Variants in PLEKHD1 observed in about 807,000 individuals in gnomAD.
PLEKHD1 encodes the protein pleckstrin homology and coiled-coil domain containing D1.
A neutral mutation model predicts 69.2 loss-of-function variants in PLEKHD1; 51 were observed. The ratio of observed to expected loss-of-function variants is 0.74; its 90% CI spans 0.59 to 0.93. The LOEUF (loss-of-function observed/expected upper bound fraction) is 0.93, where lower values mean the gene tolerates loss of function less well. Among genes scored for constraint, PLEKHD1 ranks in the 40% least tolerant of loss-of-function variants. The pLI, the probability that PLEKHD1 is intolerant of heterozygous loss-of-function variation, is 0.00. For missense variants in PLEKHD1, 584 were observed against 641.0 expected (o/e 0.91, Z 0.96); for synonymous variants, 236 against 244.7 (o/e 0.96, Z 0.33).
chr14:69,512,047 A>G (rs959407710), intron 6 of PLEKHD1, among the ~76,000 whole-genome samples: 1 of 152,208 alleles, frequency 6.6e-6, no homozygotes, highest in African/African-American at 2.4e-5. Context: ...TTGGAAGGGC[A>G]TTAATTATTG....
At chr14:69,518,843 G>A (rs1883444807) in intron 6 of PLEKHD1, among the ~76,000 whole-genome samples, 1 of 152,200 alleles carries the variant, frequency 6.6e-6, no homozygotes, top group Non-Finnish European at 1.5e-5. Context: ...TGGTGGAAAT[G>A]GGGTGCCTCC....
intron 6 of PLEKHD1, among the ~76,000 whole-genome samples, chr14:69,517,452 G>T (rs1431354686): frequency 2.0e-5 from 3 of 151,726 alleles, no homozygotes; most frequent in Non-Finnish European, 2.9e-5. Flanking sequence ...CACATAAATG[G>T]CAAATGAAGC....
chr14:69,471,176 T>C, the PLEKHD1 span, among the ~76,000 whole-genome samples: 1 of 137,518 alleles, frequency 7.3e-6, no homozygotes, highest in Admixed American at 8.0e-5. Flanking sequence ...GGTACGATCA[T>C]GGCTCACTGC....
intron 1 of PLEKHD1, among the ~76,000 whole-genome samples, chr14:69,497,014 G>C (rs543727468): frequency 3.9e-4 from 60 of 152,218 alleles, no homozygotes; most frequent in Admixed American, 1.3e-3. Context: ...TGAGTCCATA[G>C]TAGCATTTCC....
Position 69,530,643 on chromosome 14 carries a change from G to A in PLEKHD1, c.*2224G>A, listed in dbSNP as rs1041749845. 6.6e-6 allele frequency: 1 copy of A among 152,116 alleles called. No homozygotes were observed. The highest frequency in any genetic ancestry group is 2.4e-5 in the African/African-American group (1 of 41,400). The allele number at this position is 152,116 out of a possible 1,614,324, so 9.4% of individuals were successfully genotyped here. ...TGCTGTAACAGAATACCTGAGACTG[G>A]GTAATTTATAAGGAACAGAAATGTA... On this transcript the variant is annotated 3_prime_UTR_variant, in exon 13 of 13. Coordinates refer to ENST00000322564, the MANE Select transcript of PLEKHD1 (RefSeq NM_001161498.2).
chr14:69,488,557 C>T (rs1361675404), intron 1 of PLEKHD1, among the ~76,000 whole-genome samples: 1 of 152,074 alleles, frequency 6.6e-6, no homozygotes, highest in Non-Finnish European at 1.5e-5. Flanking sequence ...AAAAAATAAA[C>T]TTCTATTCTT....
At chr14:69,489,930 G>C (rs1178667910) in intron 1 of PLEKHD1, among the ~76,000 whole-genome samples, 1 of 152,184 alleles carries the variant, frequency 6.6e-6, no homozygotes, top group East Asian at 1.9e-4. Context: ...ACAGTGTCGT[G>C]ATCTTGGCTC....
intron 9 of PLEKHD1, 28 bp from the exon 10 acceptor site, chr14:69,526,669 T>A: frequency 6.8e-7 from 1 of 1,462,446 alleles, no homozygotes; most frequent in Non-Finnish European, 9.1e-7. Flanking sequence ...GAGTGAGCAT[T>A]GAGAAAGTGC....
chr14:69,501,497 C>T (rs935646229), intron 4 of PLEKHD1: 2 of 431,566 alleles, frequency 4.6e-6, no homozygotes, highest in Non-Finnish European at 8.3e-6. Flanking sequence ...GTGCTGTTGG[C>T]CCAGCCCCCA....
At chr14:69,501,041 TGGGCACAGGGCCAG>T in intron 4 of PLEKHD1, 94 bp downstream of exon 4, 1 of 1,299,526 alleles carries the variant, frequency 7.7e-7, no homozygotes. Flanking sequence ...GGGATCCTGG[TGGGCACAGGGCCAG>T]GGCTGTGGGA....
rs113639436 is a variant in PLEKHD1 at position 69,522,458 on chromosome 14, C to T, written c.650+81C>T. 3,115 of 1,386,548 alleles carry T rather than the reference C, an allele frequency of 2.2e-3. 38 individuals carry two copies. The African/African-American group carries it at 0.039, about 17-fold the overall frequency. 85.9% of individuals were successfully genotyped at this position (1,386,548 alleles called of 1,614,324 possible). Reference sequence around the variant, plus strand: ...ACCTTCCCCGTCAGATCTGAGGAGGCCTCCACCTCAGAGATGCTATCTTCC... The same window carrying T: ...ACCTTCCCCGTCAGATCTGAGGAGGTCTCCACCTCAGAGATGCTATCTTCC... On this transcript the variant is annotated intron_variant, in intron 7 of 12. Transcript: ENST00000322564.
Position 69,527,951 on chromosome 14 carries a change from G to C in PLEKHD1, c.1351+19G>C. On this transcript the variant is annotated intron_variant, in intron 12 of 12. Transcript: ENST00000322564. Reference sequence around the variant, plus strand: ...AATGACAGTGAGTGTGGCTGTCTGCGTGCCCTGGTGGGATGGTGACAAGGC... The same window carrying C: ...AATGACAGTGAGTGTGGCTGTCTGCCTGCCCTGGTGGGATGGTGACAAGGC... 1 of 1,551,126 alleles carries C rather than the reference G, an allele frequency of 6.4e-7. No homozygotes were observed. The highest frequency in any genetic ancestry group is 8.7e-7 in the Non-Finnish European group (1 of 1,146,998).
intron 7 of PLEKHD1, 120 bp downstream of exon 7, chr14:69,522,497 T>C: frequency 1.8e-6 from 2 of 1,098,096 alleles, no homozygotes; most frequent in Non-Finnish European, 2.6e-6. Context: ...GGCTCCAGGC[T>C]TGGGTCTATC....
At chr14:69,472,389 T>C in the PLEKHD1 span, among the ~76,000 whole-genome samples, 3 of 152,324 alleles carry the variant, frequency 2.0e-5, no homozygotes, top group Admixed American at 6.5e-5. Flanking sequence ...CTGGATGCAA[T>C]GTCTCCTTCC....
At chr14:69,490,596 C>T (rs1882757457) in intron 1 of PLEKHD1, among the ~76,000 whole-genome samples, 1 of 152,164 alleles carries the variant, frequency 6.6e-6, no homozygotes. Flanking sequence ...TTTGAGCCCC[C>T]TTGGACTTGA....
At chr14:69,519,397 G>T (rs1447839107) in intron 6 of PLEKHD1, among the ~76,000 whole-genome samples, 1 of 152,050 alleles carries the variant, frequency 6.6e-6, no homozygotes, top group Non-Finnish European at 1.5e-5. Flanking sequence ...TGCCTTTAAA[G>T]TTGCTTTGAC....
In PLEKHD1 at chr14:69,530,223, C is replaced by A. The variant is rs1883761920; in HGVS notation, c.*1804C>A. On this transcript the variant is annotated 3_prime_UTR_variant, in exon 13 of 13. Coordinates refer to ENST00000322564, the MANE Select transcript of PLEKHD1 (RefSeq NM_001161498.2). ...GCCGAGCCCAGGCCGGGCTGCCCTG[C>A]TCTTTGCTCAGTGCTTCCTGCCAAA... The A allele has an allele frequency of 6.6e-6, 1 of 152,232 alleles. No individual in the cohort carries two copies. Among genetic ancestry groups the A allele is most frequent in the South Asian group, 2.1e-4 (1 of 4,830 alleles). 9.4% of individuals were successfully genotyped at this position (152,232 alleles called of 1,614,324 possible).
chr14:69,508,725 A>C (rs1594984077), intron 6 of PLEKHD1, among the ~76,000 whole-genome samples: 1 of 152,226 alleles, frequency 6.6e-6, no homozygotes, highest in East Asian at 1.9e-4. Context: ...CCTGAGCTTT[A>C]CACAGCCCTC....
chr14:69,515,346 C>A (rs747344010), intron 6 of PLEKHD1, among the ~76,000 whole-genome samples: 1 of 152,150 alleles, frequency 6.6e-6, no homozygotes, highest in Non-Finnish European at 1.5e-5. Flanking sequence ...ATTGGCCCCC[C>A]CTGGAGTTTT....
Sources: gnomAD v4.1 joint callset for allele counts (sites outside exome capture counted in the v4.1 genomes callset) on GRCh38, gnomAD v4.1.1 for gene constraint, MANE v1.5 for transcripts, NCBI Gene and HGNC (gene_info 2026-07-23, HGNC 2026-07-21) for gene names.